NAGPA: variants seen among roughly 807,000 people sequenced by gnomAD.
NAGPA encodes N-acetylglucosamine-1-phosphodiester alpha-N-acetylglucosaminidase.
A neutral mutation model predicts 48.5 loss-of-function variants in NAGPA; 56 were observed. The observed-to-expected ratio is 1.15, with a 90% CI of 0.93 to 1.44. NAGPA has a LOEUF of 1.44. Ranked by LOEUF, NAGPA falls within the 40% of genes most tolerant of loss-of-function variation. The pLI, the probability that NAGPA is intolerant of heterozygous loss-of-function variation, is 0.00. For synonymous variants in NAGPA, 399 were observed against 315.5 expected, an observed-to-expected ratio of 1.26 and a Z score of -2.81; for missense variants, 888 against 735.0, an observed-to-expected ratio of 1.21 and a Z score of -2.41.
chr16:5,031,101 TG>T (rs1956088967), intron 3 of NAGPA: 1 of 168,316 alleles, frequency 5.9e-6, no homozygotes, highest in Non-Finnish European at 1.3e-5. Context: ...GGCTAATTTT[TG>T]TATTTTTTTT....
intron 3 of NAGPA, 91 bp from the exon 4 acceptor site, chr16:5,030,584 G>GT: frequency 2.9e-6 from 3 of 1,046,312 alleles, no homozygotes; most frequent in Non-Finnish European, 4.3e-6. Flanking sequence ...GAGCTACCTG[G>GT]TACCTCCCTG....
In NAGPA at chr16:5,030,476, C is replaced by A. The variant is rs777777436; in HGVS notation, c.700G>T (p.Val234Leu). 9 of 1,553,602 alleles carry A rather than the reference C, an allele frequency of 5.8e-6. No individual in the cohort carries two copies. The highest frequency in any genetic ancestry group is 7.8e-6 in the Non-Finnish European group (9 of 1,147,958). The change falls in exon 4 of 10, where the codon GTG (valine) becomes TTG (leucine). Residue 234 changes from valine to leucine, a missense_variant. By Grantham distance (32) the Val-to-Leu change is conservative. Coordinates refer to ENST00000312251, the MANE Select transcript of NAGPA (RefSeq NM_016256.4). ...GCCGTCCTGGCTGATATCACATTCA[C>A]AAATTTGCTAAAGGAACCTGAAGGA... ...TQETGSFSKF[V>L]NVISARTAIG... is the part of the protein sequence containing the mutation.
At chr16:5,030,671 T>G (rs1956082298) in intron 3 of NAGPA, 178 bp from the exon 4 acceptor site, 1 of 669,450 alleles carries the variant, frequency 1.5e-6, no homozygotes, top group South Asian at 1.6e-5. Flanking sequence ...AGCCGGGGGG[T>G]CTCTTCTTAC....
Position 5,025,139 on chromosome 16 carries a change from T to C in NAGPA, c.*339A>G. 1 of 389,962 alleles carries C rather than the reference T, an allele frequency of 2.6e-6. No individual in the cohort carries two copies. The highest frequency in any genetic ancestry group is 4.8e-6 in the Non-Finnish European group (1 of 206,234). The allele number at this position is 389,962 out of a possible 1,614,324, so 24.2% of individuals were successfully genotyped here. A position where few individuals can be genotyped will look rare whatever the true frequency, so the allele number is the denominator to read the frequency against. Reference sequence around the variant, plus strand: ...TGCTGTTCTGTCATGACGTGGTCACTGAGTCTGGTTCGTTGGCAGCCCCTT... The same window carrying C: ...TGCTGTTCTGTCATGACGTGGTCACCGAGTCTGGTTCGTTGGCAGCCCCTT... On this transcript the variant is annotated 3_prime_UTR_variant, in exon 10 of 10. Transcript: ENST00000312251.
In NAGPA at chr16:5,033,785, G is replaced by C; in HGVS notation, c.86+44C>G. On this transcript the variant is annotated intron_variant, in intron 1 of 9. Transcript: ENST00000312251. This position sits in a 1 kb window ranked among gnomAD's most constrained non-coding sequence, Gnocchi z 4.2. ...GCTGTCCTCGTGAGCTCGGAGGACA[G>C]GGGGGACCCCCCGAACCAGGCTGGC... 6.4e-7 allele frequency: 1 copy of C among 1,574,018 alleles called. No homozygotes were observed. The highest frequency in any genetic ancestry group is 8.6e-7 in the Non-Finnish European group (1 of 1,160,570).
In NAGPA at chr16:5,031,900, G is replaced by A; in HGVS notation, c.543-16C>T. 2.5e-6 allele frequency: 4 copies of A among 1,614,102 alleles called. No individual in the cohort carries two copies. The highest frequency in any genetic ancestry group is 3.4e-6 in the Non-Finnish European group (4 of 1,180,004). On this transcript the variant is annotated splice_polypyrimidine_tract_variant and intron_variant, in intron 2 of 9. Coordinates refer to ENST00000312251, the MANE Select transcript of NAGPA (RefSeq NM_016256.4). ...AGACAGGTACCTGGATCCGGGGAAGGTGGGAAGCTCACTCACCAGCAGGGG... is the reference window on the plus strand; with the variant it reads ...AGACAGGTACCTGGATCCGGGGAAGATGGGAAGCTCACTCACCAGCAGGGG...
chr16:5,028,154 C>A lies in NAGPA; in HGVS notation c.952G>T (p.Val318Leu). ...TCGTGCACACACACCACGGTGGACA[C>A]TTGGCGGGGACAGCGCCACATGTTG... ...QDNMWRCPRQ[V>L]STVVCVHEPR... is the part of the protein sequence containing the mutation. Residue 318 changes from valine to leucine, a missense_variant, in exon 6 of 10, where the codon GTG becomes TTG. By Grantham distance (32) the Val-to-Leu change is conservative. Coordinates refer to ENST00000312251, the MANE Select transcript of NAGPA (RefSeq NM_016256.4). 1 of 1,582,370 alleles carries A rather than the reference C, an allele frequency of 6.3e-7. No individual in the cohort carries two copies. Among genetic ancestry groups the A allele is most frequent in the Non-Finnish European group, 8.6e-7 (1 of 1,164,020 alleles).
chr16:5,026,101 G>C (rs1955995469), intron 9 of NAGPA, among the ~76,000 whole-genome samples: 1 of 150,900 alleles, frequency 6.6e-6, no homozygotes, highest in African/African-American at 2.4e-5. Flanking sequence ...GCTAATTTTC[G>C]TATTTTCAGT....
Position 5,031,750 on chromosome 16 carries a change from T to A in NAGPA, c.677A>T (p.Glu226Val). 6.2e-7 allele frequency: 1 copy of A among 1,614,052 alleles called. No individual in the cohort carries two copies. Among genetic ancestry groups the A allele is most frequent in the Non-Finnish European group, 8.5e-7 (1 of 1,179,956 alleles). The change falls in exon 3 of 10, where the codon GAG becomes GTG. Residue 226 changes from glutamate (E) to valine (V), a missense_variant. By Grantham distance (121) the Glu-to-Val change is moderately radical (BLOSUM62 -2). Transcript: ENST00000312251. Reference sequence around the variant, plus strand: ...CAACAGCCTCCCCATCCAACCTGTCTCCTGTGTCTCGTCACACTCTGTGGC... The same window carrying A: ...CAACAGCCTCCCCATCCAACCTGTCACCTGTGTCTCGTCACACTCTGTGGC... ...SQATECDETQ[E>V]TGSFSKFVNV...
rs112834067 is a variant in NAGPA at position 5,025,075 on chromosome 16, C to G, written c.*403G>C. On this transcript the variant is annotated 3_prime_UTR_variant, in exon 10 of 10. Coordinates refer to ENST00000312251, the MANE Select transcript of NAGPA (RefSeq NM_016256.4). ...GTCACAGCCAGGAAGGCAGACTCGT[C>G]CCTTTAACCCACTCCAGCCAGGGGT... 9 of 232,378 alleles carry G rather than the reference C, an allele frequency of 3.9e-5. 1 individual carries two copies. The highest frequency in any genetic ancestry group is 1.8e-4 in the African/African-American group (8 of 45,374). 14.4% of individuals were successfully genotyped at this position (232,378 alleles called of 1,614,324 possible).
intron 5 of NAGPA, 151 bp from the exon 6 acceptor site, chr16:5,028,336 G>C: frequency 9.7e-6 from 14 of 1,436,548 alleles, no homozygotes; most frequent in Non-Finnish European, 1.3e-5. Context: ...ATGAGGTATT[G>C]CGATCCTTCC....
At chr16:5,028,517 G>A (rs908536748) in intron 5 of NAGPA, 4 of 603,160 alleles carry the variant, frequency 6.6e-6, no homozygotes, top group South Asian at 1.6e-5. Context: ...TTCCAGGCGT[G>A]AGCCCCTGTG....
chr16:5,027,028 A>G, intron 9 of NAGPA, 107 bp downstream of exon 9: 1 of 1,378,982 alleles, frequency 7.3e-7, no homozygotes, highest in South Asian at 1.2e-5. Flanking sequence ...CCTCTAAGGC[A>G]GGGAGCTGGC....
chr16:5,031,710 C>A (rs747598022), intron 3 of NAGPA, 35 bp downstream of exon 3: 2 of 1,613,900 alleles, frequency 1.2e-6, no homozygotes, highest in South Asian at 2.2e-5. Flanking sequence ...TCCTGGTTCT[C>A]GAGAGGGTTG....
rs376332816 is a variant in NAGPA, at chr16:5,033,801, C to G, written c.86+28G>C. ...CGGAGGACAGGGGGGACCCCCCGAA[C>G]CAGGCTGGCCCAGGGAGCTGCACTC... On this transcript the variant is annotated intron_variant, in intron 1 of 9. Transcript: ENST00000312251. The surrounding 1 kb of genome is among the most constrained non-coding windows in gnomAD (Gnocchi z 4.2). 4.9e-4 allele frequency: 759 copies of G among 1,559,688 alleles called. 5 individuals carry two copies. In the African/African-American group the frequency reaches 9.5e-3, roughly 20 times the overall value.
Position 5,033,573 on chromosome 16 carries a change from A to C in NAGPA, c.242T>G (p.Phe81Cys), listed in dbSNP as rs1956145760. 1 of 1,499,374 alleles carries C rather than the reference A, an allele frequency of 6.7e-7. No individual in the cohort carries two copies. Among genetic ancestry groups the C allele is most frequent in the African/African-American group, 1.4e-5 (1 of 69,380 alleles). The allele number at this position is 1,499,374 out of a possible 1,614,324, so 92.9% of individuals were successfully genotyped here. A position where few individuals can be genotyped will look rare whatever the true frequency, so the allele number is the denominator to read the frequency against. The change falls in exon 2 of 10, where the codon TTC becomes TGC. Residue 81 changes from phenylalanine to cysteine, a missense_variant. Phe to Cys is a radical substitution (Grantham distance 205). Coordinates refer to ENST00000312251, the MANE Select transcript of NAGPA (RefSeq NM_016256.4). The surrounding 1 kb of genome is among the most constrained non-coding windows in gnomAD (Gnocchi z 4.2). Reference sequence around the variant, plus strand: ...CGCGCGGTCCCTGAAGTGCGACACGAAGGTGCGCACGGCCAGACCGCCGGC... The same window carrying C: ...CGCGCGGTCCCTGAAGTGCGACACGCAGGTGCGCACGGCCAGACCGCCGGC... ...PGAGGLAVRT[F>C]VSHFRDRAVA...
At position 5,033,675 on chromosome 16, in the gene NAGPA, A is replaced by G. The variant is rs1956148888; in HGVS notation, c.140T>C (p.Leu47Pro). ...LLPYPRARAR[L>P]PRDCTRVRAG... ...GCGCACCCGTGTGCAGTCCCGGGGG[A>G]GGCGCGCGCGCGCGCGTGGATAGGG... The change falls in exon 2 of 10, where the codon CTC becomes CCC. Residue 47 changes from leucine to proline, a missense_variant. Leu to Pro is a moderately conservative substitution (Grantham distance 98, BLOSUM62 -3). Coordinates refer to ENST00000312251, the MANE Select transcript of NAGPA (RefSeq NM_016256.4). This position sits in a 1 kb window ranked among gnomAD's most constrained non-coding sequence, Gnocchi z 4.2. The G allele has an allele frequency of 1.3e-6, 2 of 1,592,438 alleles. No homozygotes were observed. The highest frequency in any genetic ancestry group is 2.7e-5 in the African/African-American group (2 of 74,242).
chr16:5,031,715 G>A, intron 3 of NAGPA, 30 bp downstream of exon 3: 1 of 1,613,952 alleles, frequency 6.2e-7, no homozygotes. Context: ...GTTCTCGAGA[G>A]GGTTGTTGCC....
intron 3 of NAGPA, 144 bp downstream of exon 3, chr16:5,031,601 C>A (rs1482719336): frequency 1.0e-5 from 11 of 1,077,810 alleles, no homozygotes; most frequent in Non-Finnish European, 1.4e-5. Flanking sequence ...AGCCTATCTT[C>A]CTCCCCATGA....
Sources: gnomAD v4.1 joint callset for allele counts (sites outside exome capture counted in the v4.1 genomes callset) on GRCh38, gnomAD v4.1.1 for gene constraint, Gnocchi (gnomAD v3.1) non-coding constraint, MANE v1.5 for transcripts, NCBI Gene and HGNC (gene_info 2026-07-23, HGNC 2026-07-21) for gene names.